The following TSC22D2 variants were observed in gnomAD, a reference collection of about 807,000 sequenced individuals.
The protein encoded by TSC22D2 is TSC22 domain family member 2.
Under a neutral mutation model 50.1 loss-of-function variants are expected in TSC22D2, and 5 were observed. The observed-to-expected ratio is 0.10, with a 90% CI of 0.05 to 0.21. The LOEUF (loss-of-function observed/expected upper bound fraction) is 0.21. Among genes scored for constraint, TSC22D2 ranks in the 10% least tolerant of loss-of-function variants. TSC22D2 has a pLI of 1.00. For synonymous variants in TSC22D2, 501 were observed against 450.1 expected, an observed-to-expected ratio of 1.11 and a Z score of -1.43; for missense variants, 1,003 against 1,015.5, an observed-to-expected ratio of 0.99 and a Z score of 0.17.
In TSC22D2 at chr3:150,463,347, T is replaced by G. The variant is rs1721469401; in HGVS notation, c.*4711T>G. ...AGGTCAGTCCTGCAGGCTTCTTTTT[T>G]CTAAGTCTCCTGCCTATCCAAAACC... On this transcript the variant is annotated 3_prime_UTR_variant, in exon 3 of 3. Transcript: ENST00000688009. 6.6e-6 allele frequency: 1 copy of G among 152,252 alleles called. No homozygotes were observed. The highest frequency in any genetic ancestry group is 1.5e-5 in the Non-Finnish European group (1 of 68,058). 9.4% of individuals were successfully genotyped at this position (152,252 alleles called of 1,614,324 possible). A position where few individuals can be genotyped will look rare whatever the true frequency, so the allele number is the denominator to read the frequency against.
rs774884941 is a variant in TSC22D2, at chr3:150,409,308, C to A, written c.-43C>A. On this transcript the variant is annotated 5_prime_UTR_variant, in exon 1 of 3. Coordinates refer to ENST00000688009, the MANE Select transcript of TSC22D2 (RefSeq NM_001303264.2). This position sits in a 1 kb window ranked among gnomAD's most constrained non-coding sequence, Gnocchi z 7.4. Reference sequence around the variant, plus strand: ...GCCCTCCCCGGTTTCCGACAGGACCCAGAGGAGCCGGCGTGCCTCTCTGCC... The same window carrying A: ...GCCCTCCCCGGTTTCCGACAGGACCAAGAGGAGCCGGCGTGCCTCTCTGCC... 6.5e-7 allele frequency: 1 copy of A among 1,548,216 alleles called. No homozygotes were observed. Among genetic ancestry groups the A allele is most frequent in the Admixed American group, 1.9e-5 (1 of 53,058 alleles).
intron 1 of TSC22D2, among the ~76,000 whole-genome samples, chr3:150,444,913 G>A (rs1720829904): frequency 7.8e-6 from 1 of 127,402 alleles, no homozygotes; most frequent in Admixed American, 7.8e-5. Flanking sequence ...TTCTCAGCTA[G>A]GGTAATAATT....
Position 150,410,663 on chromosome 3 carries a change from C to T in TSC22D2, c.1313C>T (p.Ala438Val), listed in dbSNP as rs202161101. 344 of 1,554,368 alleles carry T rather than the reference C, an allele frequency of 2.2e-4. No individual in the cohort carries two copies. In the African/African-American group the frequency reaches 2.9e-3, roughly 13 times the overall value. Residue 438 changes from alanine to valine, a missense_variant, in exon 1 of 3, where the codon GCC becomes GTC. Coordinates refer to ENST00000688009, the MANE Select transcript of TSC22D2 (RefSeq NM_001303264.2). ...TCTTCCCAGCCCAGCGAAGCCATGG[C>T]CCCCCGGACGGGACCAGCGCAAGGC... Reference protein sequence around the residue: ...GASSQPSEAMAPRTGPAQGGQ... With the variant: ...GASSQPSEAMVPRTGPAQGGQ...
chr3:150,454,667 G>T (rs1721134823), intron 1 of TSC22D2, among the ~76,000 whole-genome samples: 1 of 152,142 alleles, frequency 6.6e-6, no homozygotes, highest in Non-Finnish European at 1.5e-5. Context: ...CCTGCAGTAG[G>T]TTATAGAATT....
intron 1 of TSC22D2, among the ~76,000 whole-genome samples, chr3:150,444,484 T>C (rs1720816488): frequency 6.6e-6 from 1 of 152,176 alleles, no homozygotes; most frequent in African/African-American, 2.4e-5. Flanking sequence ...AAAAAAATTA[T>C]GGACGAATCA....
At chr3:150,426,505 TTCTAAATACCAGGTC>T (rs762260068) in intron 1 of TSC22D2, among the ~76,000 whole-genome samples, 13 of 152,300 alleles carry the variant, frequency 8.5e-5, no homozygotes, top group Admixed American at 1.3e-4. Context: ...TTTTACCCTC[TTCTAAATACCAGGTC>T]ACTAAAGTAA....
chr3:150,438,006 A>G (rs1720600557), intron 1 of TSC22D2, among the ~76,000 whole-genome samples: 2 of 152,090 alleles, frequency 1.3e-5, no homozygotes, highest in Non-Finnish European at 2.9e-5. Flanking sequence ...TTTACTAACA[A>G]GTATCCTGAT....
At chr3:150,451,767 G>T (rs1360362092) in intron 1 of TSC22D2, among the ~76,000 whole-genome samples, 7 of 152,180 alleles carry the variant, frequency 4.6e-5, no homozygotes, top group Non-Finnish European at 8.8e-5. Flanking sequence ...CCCTAAAATA[G>T]ACAACCATTA....
At position 150,409,964 on chromosome 3, in the gene TSC22D2, G is replaced by A. The variant is rs1053007016; in HGVS notation, c.614G>A (p.Ser205Asn). The A allele has an allele frequency of 1.9e-6, 3 of 1,613,858 alleles. No homozygotes were observed. The highest frequency in any genetic ancestry group is 1.6e-4 in the Middle Eastern group (1 of 6,084). Residue 205 changes from serine to asparagine, a missense_variant, in exon 1 of 3, where the codon AGC becomes AAC. Coordinates refer to ENST00000688009, the MANE Select transcript of TSC22D2 (RefSeq NM_001303264.2). This position sits in a 1 kb window ranked among gnomAD's most constrained non-coding sequence, Gnocchi z 7.4. ...LTRSGDCIRH[S>N]STFDQTAERD... is the part of the protein sequence containing the mutation. ...AGATCCGGGGATTGCATTAGACACA[G>A]CAGTACTTTTGACCAGACTGCGGAG...
rs184358882 is a variant in TSC22D2 at position 150,408,415 on chromosome 3, T to C, written c.-936T>C. On this transcript the variant is annotated 5_prime_UTR_variant, in exon 1 of 3. Transcript: ENST00000688009. The stretch of plus-strand genomic sequence containing the variant: ...GCAGCCGCCGCTTCAGCAGTTTGAA[T>C]TTCAGTTTCTTCGGGGTTTAGGAAT... 153 of 152,688 alleles carry C rather than the reference T, an allele frequency of 1.0e-3. No individual in the cohort carries two copies. The highest frequency in any genetic ancestry group is 1.8e-3 in the Non-Finnish European group (126 of 68,322). 9.5% of individuals were successfully genotyped at this position (152,688 alleles called of 1,614,324 possible). A position where few individuals can be genotyped will look rare whatever the true frequency, so the allele number is the denominator to read the frequency against.
rs1161351791 is a variant in TSC22D2, at chr3:150,409,338, A to G, written c.-13A>G. 1 of 1,584,732 alleles carries G rather than the reference A, an allele frequency of 6.3e-7. No homozygotes were observed. Among genetic ancestry groups the G allele is most frequent in the African/African-American group, 1.3e-5 (1 of 74,200 alleles). On this transcript the variant is annotated 5_prime_UTR_variant, in exon 1 of 3. Coordinates refer to ENST00000688009, the MANE Select transcript of TSC22D2 (RefSeq NM_001303264.2). The surrounding 1 kb of genome is among the most constrained non-coding windows in gnomAD (Gnocchi z 7.4). ...GAGCCGGCGTGCCTCTCTGCCCTCC[A>G]GCCTTCTTCACCATGTCCAAGATGC...
rs1175947580 is a variant in TSC22D2 at position 150,464,833 on chromosome 3, T to G, written c.*6197T>G. 1 of 152,202 alleles carries G rather than the reference T, an allele frequency of 6.6e-6. No homozygotes were observed. Among genetic ancestry groups the G allele is most frequent in the African/African-American group, 2.4e-5 (1 of 41,468 alleles). 9.4% of individuals were successfully genotyped at this position (152,202 alleles called of 1,614,324 possible). On this transcript the variant is annotated 3_prime_UTR_variant, in exon 3 of 3. Coordinates refer to ENST00000688009, the MANE Select transcript of TSC22D2 (RefSeq NM_001303264.2). ...TAATCTGAGAAAAGTTTACACATTT[T>G]TAATACTCTAAGTTGTAGATAATGA...
rs1721545533 is a variant in TSC22D2 at position 150,466,374 on chromosome 3, A to G, written c.*7738A>G. 1 of 152,218 alleles carries G rather than the reference A, an allele frequency of 6.6e-6. No individual in the cohort carries two copies. Among genetic ancestry groups the G allele is most frequent in the African/African-American group, 2.4e-5 (1 of 41,454 alleles). 9.4% of individuals were successfully genotyped at this position (152,218 alleles called of 1,614,324 possible). A position where few individuals can be genotyped will look rare whatever the true frequency, so the allele number is the denominator to read the frequency against. ...GTTTGATGTTTTTGAATATGCATTT[A>G]TGTATTGTTTGTGTAATGACAAATT... On this transcript the variant is annotated 3_prime_UTR_variant, in exon 3 of 3. Coordinates refer to ENST00000688009, the MANE Select transcript of TSC22D2 (RefSeq NM_001303264.2).
intron 1 of TSC22D2, among the ~76,000 whole-genome samples, chr3:150,450,368 A>G (rs1449526780): frequency 6.6e-6 from 1 of 152,044 alleles, no homozygotes; most frequent in Non-Finnish European, 1.5e-5. Flanking sequence ...GTAAGTAGAA[A>G]TTTTACCTGC....
intron 1 of TSC22D2, among the ~76,000 whole-genome samples, chr3:150,436,793 C>A (rs942423118): frequency 6.6e-6 from 1 of 152,090 alleles, no homozygotes; most frequent in African/African-American, 2.4e-5. Context: ...TGGAAAAATT[C>A]TAATAGTTTT....
intron 2 of TSC22D2, 83 bp downstream of exon 2, chr3:150,457,210 AT>A (rs896488723): frequency 7.5e-7 from 1 of 1,324,930 alleles, no homozygotes; most frequent in African/African-American, 1.5e-5. Context: ...TAGAAAACAA[AT>A]AAGTTATTTA....
In TSC22D2 at chr3:150,410,612, C is replaced by T. The variant is rs762967438; in HGVS notation, c.1262C>T (p.Ser421Leu). 2.6e-6 allele frequency: 4 copies of T among 1,556,896 alleles called. No homozygotes were observed. The highest frequency in any genetic ancestry group is 1.2e-5 in the South Asian group (1 of 85,228). Residue 421 changes from serine (S) to leucine (L), a missense_variant, in exon 1 of 3, where the codon TCG (serine) becomes TTG (leucine). Ser to Leu is a moderately radical substitution (Grantham distance 145, BLOSUM62 -2). This residue lies in a region of TSC22D2 where 696 missense variants were observed against 647.8 expected (regional missense o/e 1.07). Transcript: ENST00000688009. ...LPVGTGQNAS[S>L]VGAQLMGASS... is the part of the protein sequence containing the mutation. ...GTGGGCACCGGCCAGAATGCTTCCT[C>T]GGTGGGCGCGCAGCTCATGGGCGCG...
Position 150,465,890 on chromosome 3 carries a change from T to TA in TSC22D2, c.*7261dup, listed in dbSNP as rs1230438290. The TA allele has an allele frequency of 1.3e-5, 2 of 152,066 alleles. No individual in the cohort carries two copies. Among genetic ancestry groups the TA allele is most frequent in the East Asian group, 3.9e-4 (2 of 5,192 alleles). The allele number at this position is 152,066 out of a possible 1,614,324, so 9.4% of individuals were successfully genotyped here. A position where few individuals can be genotyped will look rare whatever the true frequency, so the allele number is the denominator to read the frequency against. On this transcript the variant is annotated 3_prime_UTR_variant, in exon 3 of 3. Coordinates refer to ENST00000688009, the MANE Select transcript of TSC22D2 (RefSeq NM_001303264.2). ...ATTAGTCATTTCTATTATCAGATCA[T>TA]AAAAAAACATAGTACATAGAGGGTT...
At chr3:150,420,003 G>C (rs1719953586) in intron 1 of TSC22D2, among the ~76,000 whole-genome samples, 1 of 152,142 alleles carries the variant, frequency 6.6e-6, no homozygotes, top group Non-Finnish European at 1.5e-5. Context: ...GACCACAGCT[G>C]CATAAAAAGT....
Sources: gnomAD v4.1 joint callset for allele counts (sites outside exome capture counted in the v4.1 genomes callset) on GRCh38, gnomAD v4.1.1 for gene constraint, gnomAD v4.1.1 regional missense constraint, Gnocchi (gnomAD v3.1) non-coding constraint, MANE v1.5 for transcripts, NCBI Gene and HGNC (gene_info 2026-07-23, HGNC 2026-07-21) for gene names.